The following IFNGR2 variants were observed in gnomAD, a reference collection of about 807,000 sequenced individuals.
IFNGR2 encodes the protein interferon gamma receptor 2, also known as IFN-gamma receptor 2.
Under a neutral mutation model 41.1 loss-of-function variants are expected in IFNGR2, and 15 were observed. The observed-to-expected ratio is 0.37, with a 90% CI of 0.24 to 0.56. IFNGR2 has a LOEUF of 0.56. Ranked by LOEUF, IFNGR2 falls within the 20% of genes least tolerant of loss-of-function variation. The pLI is 0.81. For synonymous variants in IFNGR2, 161 were observed against 171.6 expected (o/e 0.94, Z 0.48); for missense variants, 362 against 415.7 (o/e 0.87, Z 1.12).
chr21:33,434,264 G>A (rs2083920928), intron 6 of IFNGR2, among the ~76,000 whole-genome samples: 1 of 152,196 alleles, frequency 6.6e-6, no homozygotes, highest in Non-Finnish European at 1.5e-5. Flanking sequence ...ACCCACACCT[G>A]TAATCCCAGG....
At chr21:33,433,463 A>G (rs1321813303) in intron 6 of IFNGR2, among the ~76,000 whole-genome samples, 2 of 152,200 alleles carry the variant, frequency 1.3e-5, no homozygotes, top group South Asian at 2.1e-4. Context: ...GACACATCCT[A>G]CCACACACAT....
intron 4 of IFNGR2, among the ~76,000 whole-genome samples, chr21:33,431,083 C>T (rs978601497): frequency 6.6e-5 from 10 of 152,138 alleles, no homozygotes; most frequent in Non-Finnish European, 1.3e-4. Flanking sequence ...AGAGGAGACA[C>T]AGAACCTTCC....
intron 5 of IFNGR2, 142 bp downstream of exon 5, chr21:33,432,478 G>A (rs2083898543): frequency 1.1e-6 from 1 of 923,854 alleles, no homozygotes; most frequent in East Asian, 2.5e-5. Context: ...GGAATAATGA[G>A]CTTGTGCTGA....
chr21:33,403,347 G>GCGGGA (rs1287718486), upstream of IFNGR2: 3 of 178,090 alleles, frequency 1.7e-5, no homozygotes, highest in Non-Finnish European at 2.3e-5. Context: ...GGCCTCGGGG[G>GCGGGA]CGGGACGGGG....
At chr21:33,430,773 TAAC>T (rs138037083) in intron 4 of IFNGR2, among the ~76,000 whole-genome samples, 95 of 152,264 alleles carry the variant, frequency 6.2e-4, no homozygotes, top group African/African-American at 2.0e-3. Flanking sequence ...TTTTAAAAAA[TAAC>T]AACATGTTCT....
chr21:33,410,815 TA>T, intron 1 of IFNGR2: 1 of 1,493,036 alleles, frequency 6.7e-7, no homozygotes, highest in Non-Finnish European at 9.1e-7. Flanking sequence ...TCATAACTCA[TA>T]ATCTAAAATT....
intron 1 of IFNGR2, among the ~76,000 whole-genome samples, chr21:33,405,753 A>G (rs2123325992): frequency 6.6e-6 from 1 of 152,352 alleles, no homozygotes; most frequent in African/African-American, 2.4e-5. Context: ...AAGTGAGGCC[A>G]GGCTCGGTGG....
chr21:33,434,182 T>G (rs1322019552), intron 6 of IFNGR2, among the ~76,000 whole-genome samples: 1 of 152,074 alleles, frequency 6.6e-6, no homozygotes, highest in East Asian at 1.9e-4. Flanking sequence ...GAGGACACGG[T>G]CAGGACATTT....
chr21:33,415,055 G>A, intron 2 of IFNGR2, 35 bp downstream of exon 2: 1 of 1,613,144 alleles, frequency 6.2e-7, no homozygotes, highest in Non-Finnish European at 8.5e-7. Context: ...CTTGCTGGGA[G>A]CTGTGGGGGC....
At chr21:33,426,543 CCT>C (rs747027187) in intron 3 of IFNGR2, among the ~76,000 whole-genome samples, 9 of 151,528 alleles carry the variant, frequency 5.9e-5, no homozygotes, top group Non-Finnish European at 1.0e-4. Flanking sequence ...ATGATGATAC[CCT>C]GTTTCTTCTA....
intron 4 of IFNGR2, among the ~76,000 whole-genome samples, chr21:33,428,061 A>C (rs2083855089): frequency 6.6e-6 from 1 of 151,874 alleles, no homozygotes; most frequent in Admixed American, 6.6e-5. Context: ...CCGTTTGCAG[A>C]GAGAGAATCC....
intron 1 of IFNGR2, among the ~76,000 whole-genome samples, chr21:33,413,977 C>T (rs180760519): frequency 1.3e-3 from 193 of 151,822 alleles, no homozygotes; most frequent in African/African-American, 4.5e-3. Flanking sequence ...GGATTACAGG[C>T]GCTCACCACC....
intron 4 of IFNGR2, among the ~76,000 whole-genome samples, chr21:33,430,887 G>T (rs904787716): frequency 1.3e-5 from 2 of 152,156 alleles, no homozygotes; most frequent in African/African-American, 4.8e-5. Context: ...GGCTGTAGTG[G>T]ATTATATTGT....
At chr21:33,404,531 G>A (rs1480249543) in intron 1 of IFNGR2, among the ~76,000 whole-genome samples, 1 of 152,086 alleles carries the variant, frequency 6.6e-6, no homozygotes, top group African/African-American at 2.4e-5. Flanking sequence ...TCCGCCTCCC[G>A]TGCTCAAGCG....
chr21:33,405,745 G>T (rs1213182684), intron 1 of IFNGR2, among the ~76,000 whole-genome samples: 4 of 152,022 alleles, frequency 2.6e-5, no homozygotes, highest in African/African-American at 9.7e-5. Flanking sequence ...ATTTTAAAAA[G>T]TGAGGCCAGG....
chr21:33,430,060 A>G (rs2083872475), intron 4 of IFNGR2, among the ~76,000 whole-genome samples: 1 of 152,086 alleles, frequency 6.6e-6, no homozygotes, highest in African/African-American at 2.4e-5. Flanking sequence ...AATTGCTTGA[A>G]CCTGGGAGGC....
At chr21:33,425,549 G>A (rs1476979359) in intron 3 of IFNGR2, among the ~76,000 whole-genome samples, 2 of 152,340 alleles carry the variant, frequency 1.3e-5, no homozygotes, top group South Asian at 2.1e-4. Context: ...CTTCTGCAAC[G>A]CACTTCTGCA....
rs184652106 is a variant in IFNGR2, at chr21:33,409,140, A to G, written c.73+5524A>G. On this transcript the variant is annotated intron_variant, in intron 1 of 6. Transcript: ENST00000290219. The stretch of plus-strand genomic sequence containing the variant: ...TACAGTGAGCCTAGATCGTGCCACT[A>G]CACTCTAGCCTGGGTGACAGAACAA... Among the ~76,000 whole-genome samples, 74 of 146,152 alleles carry G rather than the reference A, an allele frequency of 5.1e-4. 2 individuals are homozygous for G. In the East Asian group the frequency reaches 0.013, roughly 26 times the overall value.
chr21:33,420,310 T>A (rs1416450689), intron 2 of IFNGR2, among the ~76,000 whole-genome samples: 1 of 152,154 alleles, frequency 6.6e-6, no homozygotes, highest in East Asian at 1.9e-4. Context: ...TGTAGGGGGA[T>A]ACTGTCCGCT....
Sources: allele counts gnomAD v4.1 joint callset (sites outside exome capture counted in the v4.1 genomes callset), GRCh38; gene constraint gnomAD v4.1.1; transcripts MANE v1.5; gene names NCBI Gene and HGNC (gene_info 2026-07-23, HGNC 2026-07-21).